DESI2: variants seen among roughly 807,000 people sequenced by gnomAD.
DESI2 encodes the protein desumoylating isopeptidase 2, also known as deubiquitinase DESI2.
Under a neutral mutation model 24.1 loss-of-function variants are expected in DESI2, and 10 were observed. The observed-to-expected ratio is 0.41, with a 90% CI of 0.26 to 0.70. The LOEUF (loss-of-function observed/expected upper bound fraction) is 0.70, where lower values mean the gene tolerates loss of function less well. Ranked by LOEUF, DESI2 falls within the 30% of genes least tolerant of loss-of-function variation. DESI2 has a pLI of 0.29. For synonymous variants in DESI2, 71 were observed against 87.7 expected (o/e 0.81, Z 1.06); for missense variants, 122 against 234.9 (o/e 0.52, Z 3.14).
intron 1 of DESI2, among the ~76,000 whole-genome samples, chr1:244,665,820 G>C (rs1456992594): frequency 7.9e-5 from 12 of 152,120 alleles, no homozygotes. Flanking sequence ...GATCTATCAA[G>C]CCCCACAGTT....
At chr1:244,695,380 A>G (rs533898928) in intron 4 of DESI2, among the ~76,000 whole-genome samples, 2 of 152,234 alleles carry the variant, frequency 1.3e-5, no homozygotes, top group African/African-American at 2.4e-5. Context: ...TCGGCCAGGC[A>G]TGGTGGCTCA....
intron 1 of DESI2, chr1:244,654,010 G>T (rs1675561054): frequency 2.1e-6 from 1 of 471,068 alleles, no homozygotes; most frequent in Admixed American, 2.3e-5. Flanking sequence ...CCTACACTCT[G>T]AAGACCACTT....
At chr1:244,664,020 G>GAAAA (rs34195856) in intron 1 of DESI2, among the ~76,000 whole-genome samples, 3 of 89,360 alleles carry the variant, frequency 3.4e-5, no homozygotes, top group Non-Finnish European at 6.3e-5. Flanking sequence ...TCCGTCTCAG[G>GAAAA]AAAAAAAAAA....
At chr1:244,690,389 C>A (rs1676981515) in intron 3 of DESI2, among the ~76,000 whole-genome samples, 1 of 152,016 alleles carries the variant, frequency 6.6e-6, no homozygotes, top group East Asian at 1.9e-4. Context: ...AATTTTCATT[C>A]CTTAATTGAG....
At chr1:244,663,834 C>A (rs892154721) in intron 1 of DESI2, among the ~76,000 whole-genome samples, 2 of 151,766 alleles carry the variant, frequency 1.3e-5, no homozygotes, top group Non-Finnish European at 2.9e-5. Context: ...CTGGCTAACA[C>A]GGTGAAACCC....
intron 1 of DESI2, among the ~76,000 whole-genome samples, chr1:244,664,889 A>G (rs1675989567): frequency 6.6e-6 from 1 of 152,230 alleles, no homozygotes; most frequent in African/African-American, 2.4e-5. Context: ...TTCCTTGCAA[A>G]AAATGATAGA....
In DESI2 at chr1:244,701,207, TCCCCTCCACCCC is replaced by T. The variant is rs1163767971; in HGVS notation, c.352-4344_352-4333del. Among the ~76,000 whole-genome samples the T allele has an allele frequency of 1.7e-3, 67 of 39,612 alleles. 5 individuals carry two copies. Among genetic ancestry groups the T allele is most frequent in the African/African-American group, 0.012 (50 of 4,200 alleles). 26.0% of individuals were successfully genotyped at this position (39,612 alleles called of 152,430 possible). ...AGCCAAGGGCATGACTGGACCACCT[TCCCCTCCACCCC>T]CCCCCCCCCCCCCCCGCCCTTTTAA... On this transcript the variant is annotated intron_variant, in intron 4 of 4. Coordinates refer to ENST00000302550, the MANE Select transcript of DESI2 (RefSeq NM_016076.5).
chr1:244,692,341 A>C (rs1332359990), intron 4 of DESI2, among the ~76,000 whole-genome samples: 1 of 152,118 alleles, frequency 6.6e-6, no homozygotes, highest in African/African-American at 2.4e-5. Flanking sequence ...TCTGCTTCTT[A>C]GCCACTAAGG....
intron 1 of DESI2, among the ~76,000 whole-genome samples, chr1:244,682,271 G>T (rs996123000): frequency 6.6e-6 from 1 of 152,142 alleles, no homozygotes; most frequent in African/African-American, 2.4e-5. Flanking sequence ...GTGCTGATTG[G>T]TCTGTTTTTT....
intron 1 of DESI2, among the ~76,000 whole-genome samples, chr1:244,668,951 C>A (rs541429790): frequency 1.7e-3 from 266 of 152,136 alleles, no homozygotes; most frequent in African/African-American, 6.2e-3. Context: ...CAATTTTTTT[C>A]TCTTCCCTTT....
At chr1:244,701,212 T>TCCCCCC (rs1677442100) in intron 4 of DESI2, among the ~76,000 whole-genome samples, 7 of 57,716 alleles carry the variant, frequency 1.2e-4, no homozygotes, top group African/African-American at 2.4e-4. Flanking sequence ...CACCTTCCCC[T>TCCCCCC]CCACCCCCCC....
chr1:244,699,963 C>T (rs1487515187), intron 4 of DESI2, among the ~76,000 whole-genome samples: 2 of 152,204 alleles, frequency 1.3e-5, no homozygotes, highest in African/African-American at 4.8e-5. Flanking sequence ...CGGAACACCT[C>T]CAGATGTCAT....
intron 3 of DESI2, 121 bp from the exon 4 acceptor site, chr1:244,691,758 T>C (rs1677037301): frequency 5.1e-6 from 4 of 777,186 alleles, no homozygotes; most frequent in Non-Finnish European, 7.8e-6. Flanking sequence ...TTAACCCTGA[T>C]TTGTTATGTC....
intron 1 of DESI2, 125 bp downstream of exon 1, chr1:244,653,480 G>A: frequency 1.0e-6 from 1 of 965,938 alleles, no homozygotes; most frequent in Non-Finnish European, 1.5e-6. Flanking sequence ...GTTCTCGGGG[G>A]AAGCCGGGGG....
At chr1:244,659,083 A>C (rs999788743) in intron 1 of DESI2, among the ~76,000 whole-genome samples, 2 of 151,306 alleles carry the variant, frequency 1.3e-5, no homozygotes, top group South Asian at 2.1e-4. Context: ...TACTTGTATC[A>C]ATATGCTTCT....
chr1:244,696,891 C>T (rs892176107), intron 4 of DESI2, among the ~76,000 whole-genome samples: 1 of 150,406 alleles, frequency 6.6e-6, no homozygotes, highest in Non-Finnish European at 1.5e-5. Flanking sequence ...GCAGAGGACG[C>T]CTGCATGACC....
chr1:244,686,250 C>CTGTGTGTGTGTG (rs767500032), intron 1 of DESI2, among the ~76,000 whole-genome samples: 66 of 150,506 alleles, frequency 4.4e-4, no homozygotes, highest in African/African-American at 1.3e-3. Flanking sequence ...AAAGCACACT[C>CTGTGTGTGTGTG]TGTGTGTGTG....
intron 4 of DESI2, among the ~76,000 whole-genome samples, chr1:244,702,497 G>C (rs1373001002): frequency 6.6e-6 from 1 of 152,120 alleles, no homozygotes; most frequent in Non-Finnish European, 1.5e-5. Flanking sequence ...CTCAGTAACA[G>C]ACCAAGACTC....
rs572639513 is a variant in DESI2 at position 244,663,747 on chromosome 1, G to A, written c.42+10392G>A. On this transcript the variant is annotated intron_variant, in intron 1 of 4. Transcript: ENST00000302550. ...ATTATTCAAGAACTTGGCCGGGCAC[G>A]GTGGCTCACGCCTGTAATCCCAGCA... Among the ~76,000 whole-genome samples the A allele has an allele frequency of 2.0e-3, 306 of 152,004 alleles. 3 individuals are homozygous for A. Among genetic ancestry groups the A allele is most frequent in the Admixed American group, 3.1e-3 (47 of 15,274 alleles).
Sources: gnomAD v4.1 joint callset for allele counts (sites outside exome capture counted in the v4.1 genomes callset) on GRCh38, gnomAD v4.1.1 for gene constraint, MANE v1.5 for transcripts, NCBI Gene and HGNC (gene_info 2026-07-23, HGNC 2026-07-21) for gene names.